COL22A1: variants seen among roughly 807,000 people sequenced by gnomAD.
The protein encoded by COL22A1 is collagen alpha-1(XXII) chain.
A neutral mutation model predicts 248.9 loss-of-function variants in COL22A1; 221 were observed. The ratio of observed to expected loss-of-function variants is 0.89; its 90% CI spans 0.80 to 0.99. The LOEUF is 0.99. Ranked by LOEUF, COL22A1 falls within the 50% of genes least tolerant of loss-of-function variation. The pLI, the probability that COL22A1 is intolerant of heterozygous loss-of-function variation, is 0.00. For synonymous variants in COL22A1, 891 were observed against 793.4 expected, an observed-to-expected ratio of 1.12 and a Z score of -2.07; for missense variants, 2,240 against 2,179.0, an observed-to-expected ratio of 1.03 and a Z score of -0.56.
intron 53 of COL22A1, among the ~76,000 whole-genome samples, chr8:138,617,927 C>A (rs1819468808): frequency 6.6e-6 from 1 of 152,288 alleles, no homozygotes; most frequent in African/African-American, 2.4e-5. Flanking sequence ...TCAAAACAGT[C>A]CAGCTACATT....
At chr8:138,729,638 A>G (rs1488826158) in intron 23 of COL22A1, among the ~76,000 whole-genome samples, 1 of 152,196 alleles carries the variant, frequency 6.6e-6, no homozygotes, top group Non-Finnish European at 1.5e-5. Context: ...ATTTGCTTCC[A>G]GCCTCTTTTC....
At chr8:138,675,388 A>G (rs1038720834) in intron 41 of COL22A1, among the ~76,000 whole-genome samples, 13 of 152,208 alleles carry the variant, frequency 8.5e-5, no homozygotes, top group Middle Eastern at 3.2e-3. Context: ...ATTACTCTTA[A>G]TCACTCTTGG....
chr8:138,887,807 A>T (rs1008920410), intron 1 of COL22A1, among the ~76,000 whole-genome samples: 1 of 152,170 alleles, frequency 6.6e-6, no homozygotes, highest in African/African-American at 2.4e-5. Context: ...GTATTGCCAA[A>T]TTGCTTTCTG....
intron 41 of COL22A1, among the ~76,000 whole-genome samples, chr8:138,664,196 C>T (rs866693419): frequency 3.1e-4 from 22 of 70,230 alleles, no homozygotes; most frequent in African/African-American, 5.4e-4. Context: ...ACAAGGGGTG[C>T]GCGCGCGCGC....
At chr8:138,853,491 G>T (rs1264115385) in intron 3 of COL22A1, among the ~76,000 whole-genome samples, 4 of 152,138 alleles carry the variant, frequency 2.6e-5, no homozygotes, top group African/African-American at 9.7e-5. Context: ...TTTAAGAAGA[G>T]ACTCCCTCTT....
Position 138,636,792 on chromosome 8 carries a change from T to C in COL22A1, c.3505A>G (p.Ser1169Gly). ...CCATCTGCACCACGTTCTCCTTGAC[T>C]TCCCTTGAAAGGAAAAAAAAGAAAA... Reference protein sequence around the residue: ...GPPGIAGPQGSQGERGADGEV... With the variant: ...GPPGIAGPQGGQGERGADGEV... Residue 1169 changes from serine (S) to glycine (G), a missense_variant, in exon 48 of 65, where the codon AGT becomes GGT. Coordinates refer to ENST00000303045, the MANE Select transcript of COL22A1 (RefSeq NM_152888.3). 1 of 1,612,962 alleles carries C rather than the reference T, an allele frequency of 6.2e-7. No individual in the cohort carries two copies. The highest frequency in any genetic ancestry group is 1.3e-5 in the African/African-American group (1 of 74,932).
intron 10 of COL22A1, among the ~76,000 whole-genome samples, chr8:138,807,187 A>C (rs540979220): frequency 6.6e-6 from 1 of 152,044 alleles, no homozygotes; most frequent in Non-Finnish European, 1.5e-5. Context: ...GGGGAGGGAG[A>C]GGCCCAGCTG....
At chr8:138,642,182 A>T (rs773483935) in intron 47 of COL22A1, among the ~76,000 whole-genome samples, 18 of 152,192 alleles carry the variant, frequency 1.2e-4, no homozygotes, top group Admixed American at 3.9e-4. Context: ...GTTACTAAGG[A>T]GTATGACAAG....
chr8:138,640,692 A>G (rs190146578), intron 47 of COL22A1, among the ~76,000 whole-genome samples: 471 of 152,234 alleles, frequency 3.1e-3, no homozygotes, highest in African/African-American at 0.01. Context: ...TATGAGGACC[A>G]CTTGCAGTTA....
chr8:138,597,089 A>C, intron 61 of COL22A1, 119 bp from the exon 62 acceptor site: 1 of 738,432 alleles, frequency 1.4e-6, no homozygotes, highest in East Asian at 2.5e-5. Flanking sequence ...AGGGAAGCAC[A>C]TGTTCCTAGC....
At chr8:138,723,190 CG>C (rs1563669167) in intron 25 of COL22A1, among the ~76,000 whole-genome samples, 3 of 152,196 alleles carry the variant, frequency 2.0e-5, no homozygotes. Flanking sequence ...CAAAAGTGAA[CG>C]TTTTTTATAA....
intron 3 of COL22A1, among the ~76,000 whole-genome samples, chr8:138,865,803 GTGTA>G (rs1822837552): frequency 6.7e-6 from 1 of 149,552 alleles, no homozygotes; most frequent in Non-Finnish European, 1.5e-5. Flanking sequence ...CTGTGTGTGT[GTGTA>G]TGTTTGTATG....
chr8:138,618,533 G>A (rs1279712288), intron 53 of COL22A1, among the ~76,000 whole-genome samples: 5 of 152,170 alleles, frequency 3.3e-5, no homozygotes, highest in Admixed American at 6.5e-5. Context: ...ATAAGAGGTC[G>A]TATTCCTCAT....
chr8:138,646,752 C>G, intron 46 of COL22A1, 70 bp from the exon 47 acceptor site: 2 of 1,151,782 alleles, frequency 1.7e-6, no homozygotes, highest in Admixed American at 2.4e-5. Flanking sequence ...GGGTCATCAC[C>G]ATGCCATCAG....
intron 21 of COL22A1, among the ~76,000 whole-genome samples, chr8:138,753,738 C>T (rs1289248509): frequency 2.0e-5 from 3 of 152,144 alleles, no homozygotes; most frequent in Non-Finnish European, 4.4e-5. Flanking sequence ...TGGTCACAAA[C>T]GTTTGAGGTT....
rs774578811 is a variant in COL22A1 at position 138,811,918 on chromosome 8, G to A, written c.1330C>T (p.Gln444Ter). ...GGAGGCTCTGTCACCACGGTCACCT[G>A]GCACTGGAAGGAAAGCCCAGGAGGT... ...TCCDIPSGPC[Q>*]VTVVTEPPPP... The change falls in exon 9 of 65, where the codon CAG (glutamine) becomes TAG (stop). Residue 444 changes from glutamine (Q) to a stop codon, truncating the protein, a stop_gained. Coordinates refer to ENST00000303045, the MANE Select transcript of COL22A1 (RefSeq NM_152888.3). LOFTEE classifies it high-confidence loss of function. 1.3e-6 allele frequency: 2 copies of A among 1,546,950 alleles called. No homozygotes were observed. Among genetic ancestry groups the A allele is most frequent in the South Asian group, 2.4e-5 (2 of 82,428 alleles).
intron 30 of COL22A1, among the ~76,000 whole-genome samples, chr8:138,707,028 A>G (rs552511482): frequency 2.0e-5 from 3 of 152,326 alleles, no homozygotes; most frequent in East Asian, 3.9e-4. Context: ...GATAAACTAG[A>G]AAATCTAGAA....
At chr8:138,603,285 T>C (rs1818178903) in intron 59 of COL22A1, among the ~76,000 whole-genome samples, 1 of 152,168 alleles carries the variant, frequency 6.6e-6, no homozygotes, top group Non-Finnish European at 1.5e-5. Context: ...GCAGACTGAT[T>C]TAATTGCTGT....
At chr8:138,660,963 CGCACACACACAT>C (rs1823860962) in intron 43 of COL22A1, among the ~76,000 whole-genome samples, 1 of 65,162 alleles carries the variant, frequency 1.5e-5, no homozygotes, top group Non-Finnish European at 4.1e-5. Context: ...CAGACACACA[CGCACACACACAT>C]ACACACACAC....
Sources: gnomAD v4.1 joint callset for allele counts (sites outside exome capture counted in the v4.1 genomes callset) on GRCh38, gnomAD v4.1.1 for gene constraint, MANE v1.5 for transcripts, NCBI Gene and HGNC (gene_info 2026-07-23, HGNC 2026-07-21) for gene names.